The following DMPK variants were observed in gnomAD, a reference collection of about 807,000 sequenced individuals.
DMPK encodes DM1 protein kinase.
In DMPK, 32 loss-of-function variants were observed where a neutral mutation model predicts 70.3. The observed-to-expected ratio is 0.46, with a 90% CI of 0.34 to 0.61. DMPK has a LOEUF of 0.61. DMPK is among the 20% of genes least tolerant of loss of function. DMPK has a pLI of 0.01. For synonymous variants in DMPK, 469 were observed against 390.9 expected (o/e 1.20, Z -2.36); for missense variants, 899 against 886.0 (o/e 1.01, Z -0.19).
Position 45,769,907 on chromosome 19 carries a change from C to A in DMPK, c.*581G>T. The stretch of plus-strand genomic sequence containing the variant: ...TAAATATCCAAACCGCCGAAGCGGG[C>A]GGAGCCGGCTGGGGCTCCGAGAGCA... On this transcript the variant is annotated 3_prime_UTR_variant, in exon 15 of 15. Transcript: ENST00000291270. 3.5e-6 allele frequency: 1 copy of A among 281,972 alleles called. No homozygotes were observed. The highest frequency in any genetic ancestry group is 3.8e-5 in the South Asian group (1 of 26,544). The allele number at this position is 281,972 out of a possible 1,614,324, so 17.5% of individuals were successfully genotyped here. A position where few individuals can be genotyped will look rare whatever the true frequency, so the allele number is the denominator to read the frequency against.
intron 4 of DMPK, 67 bp from the exon 5 acceptor site, chr19:45,778,708 G>A: frequency 1.3e-6 from 2 of 1,530,246 alleles, no homozygotes; most frequent in East Asian, 2.4e-5. Flanking sequence ...GGATGGCTGG[G>A]ACAACCCCTC....
intron 4 of DMPK, 120 bp from the exon 5 acceptor site, chr19:45,778,761 C>T: frequency 9.5e-7 from 1 of 1,049,396 alleles, no homozygotes; most frequent in Non-Finnish European, 1.4e-6. Flanking sequence ...CAGCCCCAGC[C>T]CAGAGATAAC....
At chr19:45,771,425 G>A (rs1419392019) in intron 12 of DMPK, 29 bp from the exon 13 acceptor site, 3 of 1,611,238 alleles carry the variant, frequency 1.9e-6, no homozygotes, top group Admixed American at 1.7e-5. Context: ...GGCATAGGGC[G>A]CGTGGAGGGG....
chr19:45,769,882 T>G lies in DMPK; in HGVS notation c.*606A>C. 3.8e-6 allele frequency: 1 copy of G among 265,750 alleles called. No individual in the cohort carries two copies. Among genetic ancestry groups the G allele is most frequent in the East Asian group, 1.0e-4 (1 of 9,784 alleles). The allele number at this position is 265,750 out of a possible 1,614,324, so 16.5% of individuals were successfully genotyped here. A position where few individuals can be genotyped will look rare whatever the true frequency, so the allele number is the denominator to read the frequency against. ...TCAGCGAGTCGGAGGACGAGGTCAA[T>G]AAATATCCAAACCGCCGAAGCGGGC... On this transcript the variant is annotated 3_prime_UTR_variant, in exon 15 of 15. Coordinates refer to ENST00000291270, the MANE Select transcript of DMPK (RefSeq NM_004409.5).
In DMPK at chr19:45,779,851, C is replaced by G; in HGVS notation, c.179G>C (p.Arg60Thr). ...CCTCTGCAGTCGGACCTCCTTAAGC[C>G]TCACCACGATGGGCTCCGCTGGGGG... ...FLQWAEPIVV[R>T]LKEVRLQRDD... Residue 60 changes from arginine (R) to threonine (T), a missense_variant, in exon 2 of 15, where the codon AGG becomes ACG. Physicochemically the swap from Arg to Thr is moderately conservative, Grantham distance 71. Around this residue, in one of 3 missense-constraint regions of DMPK, gnomAD observed 149 missense variants for 142.5 expected, o/e 1.05. Transcript: ENST00000291270. The G allele has an allele frequency of 6.2e-7, 1 of 1,612,098 alleles. No individual in the cohort carries two copies. The highest frequency in any genetic ancestry group is 8.5e-7 in the Non-Finnish European group (1 of 1,179,124).
At position 45,770,092 on chromosome 19, in the gene DMPK, C is replaced by A; in HGVS notation, c.*396G>T. On this transcript the variant is annotated 3_prime_UTR_variant, in exon 15 of 15. Coordinates refer to ENST00000291270, the MANE Select transcript of DMPK (RefSeq NM_004409.5). The stretch of plus-strand genomic sequence containing the variant: ...TGCGAACCAACGATAGGTGGGGGTG[C>A]GTGGAGGATGGAACACGGACGGCCC... The A allele has an allele frequency of 1.8e-6, 1 of 547,754 alleles. No homozygotes were observed. Among genetic ancestry groups the A allele is most frequent in the Middle Eastern group, 5.1e-4 (1 of 1,948 alleles). 33.9% of individuals were successfully genotyped at this position (547,754 alleles called of 1,614,324 possible).
At position 45,780,297 on chromosome 19, in the gene DMPK, C is replaced by G. The variant is rs776031050; in HGVS notation, c.161-428G>C. 1.9e-6 allele frequency: 3 copies of G among 1,551,616 alleles called. No individual in the cohort carries two copies. The Admixed American group carries it at 5.4e-5, about 28-fold the overall frequency. On this transcript the variant is annotated intron_variant, in intron 1 of 14. Coordinates refer to ENST00000291270, the MANE Select transcript of DMPK (RefSeq NM_004409.5). ...TCATGTAGAATGTCCTGGGTAACGG[C>G]CCAGACGTGGGGTTGTATCCAGTAC...
At position 45,777,658 on chromosome 19, in the gene DMPK, C is replaced by T. The variant is rs758065350; in HGVS notation, c.882+9G>A. On this transcript the variant is annotated intron_variant, in intron 7 of 14. Transcript: ENST00000291270. This position sits in a 1 kb window ranked among gnomAD's most constrained non-coding sequence, Gnocchi z 6.7. ...GGGAGAGGCCAGGTCTCCCTGCGGC[C>T]GTGCTCACCTTGTAGTGGACGATCT... The T allele has an allele frequency of 2.3e-5, 37 of 1,613,766 alleles. No individual in the cohort carries two copies. The highest frequency in any genetic ancestry group is 1.3e-4 in the East Asian group (6 of 44,896).
intron 5 of DMPK, 22 bp from the exon 6 acceptor site, chr19:45,778,242 G>A: frequency 6.2e-7 from 1 of 1,602,744 alleles, no homozygotes; most frequent in African/African-American, 1.3e-5. Context: ...AAAAGAGAAG[G>A]GTGGGATAAA....
chr19:45,779,584 C>A, intron 2 of DMPK, 62 bp from the exon 3 acceptor site: 4 of 1,600,860 alleles, frequency 2.5e-6, no homozygotes, highest in Non-Finnish European at 3.4e-6. Context: ...TCGCCCAGAC[C>A]CAACTCCACC....
At chr19:45,778,406 T>G (rs1340391647) in intron 5 of DMPK, 87 bp downstream of exon 5, 1 of 1,535,282 alleles carries the variant, frequency 6.5e-7, no homozygotes, top group East Asian at 2.3e-5. Flanking sequence ...AAGGTCCCTC[T>G]CCAGGCCCTG....
intron 14 of DMPK, 152 bp downstream of exon 14, chr19:45,770,819 G>T: frequency 1.0e-6 from 1 of 967,952 alleles, no homozygotes; most frequent in Non-Finnish European, 1.5e-6. Context: ...CTCGTCATTG[G>T]CTGCTTCCTA....
At position 45,770,992 on chromosome 19, in the gene DMPK, G is replaced by C. The variant is rs1274811338; in HGVS notation, c.1716C>G (p.Arg572=). ...PLVGPGPMHR[R]HLLLPARVPR... ...GTACCCTGGCAGGGAGCAGCAGGTG[G>C]CGGCGGTGCATGGGGCCTGGCCCCA... is the stretch of plus-strand genomic sequence containing the variant. Residue 572 remains arginine (R), a synonymous_variant, in exon 14 of 15, where the codon CGC becomes CGG. Transcript: ENST00000291270. 2 of 1,437,370 alleles carry C rather than the reference G, an allele frequency of 1.4e-6. No individual in the cohort carries two copies. The highest frequency in any genetic ancestry group is 1.5e-5 in the African/African-American group (1 of 67,696). 89.0% of individuals were successfully genotyped at this position (1,437,370 alleles called of 1,614,324 possible).
In DMPK at chr19:45,777,840, A is replaced by G. The variant is rs1311272380; in HGVS notation, c.709T>C (p.Tyr237His). 6.2e-7 allele frequency: 1 copy of G among 1,610,974 alleles called. No homozygotes were observed. The highest frequency in any genetic ancestry group is 1.3e-5 in the African/African-American group (1 of 74,924). Residue 237 changes from tyrosine (Y) to histidine (H), a missense_variant, in exon 7 of 15, where the codon TAC becomes CAC. By Grantham distance (83) the Tyr-to-His change is moderately conservative. This residue lies in a region of DMPK where 195 missense variants were observed against 259.7 expected (regional missense o/e 0.75). Transcript: ENST00000291270. The surrounding 1 kb of genome is among the most constrained non-coding windows in gnomAD (Gnocchi z 6.7). Reference protein sequence around the residue: ...RSLVAVGTPDYLSPEILQAVG... With the variant: ...RSLVAVGTPDHLSPEILQAVG... ...GCCTGCAGGATCTCGGGGGACAGGT[A>G]GTCTGGGGTGCCCACAGCCACCAGC... is the stretch of plus-strand genomic sequence containing the variant.
chr19:45,777,663 T>C lies in DMPK; in HGVS notation c.882+4A>G, dbSNP rs1969852578. The C allele has an allele frequency of 6.2e-7, 1 of 1,613,926 alleles. No individual in the cohort carries two copies. The highest frequency in any genetic ancestry group is 8.5e-7 in the Non-Finnish European group (1 of 1,180,010). ...AGGCCAGGTCTCCCTGCGGCCGTGC[T>C]CACCTTGTAGTGGACGATCTTGCCA... On this transcript the variant is annotated splice_donor_region_variant and intron_variant, in intron 7 of 14. Coordinates refer to ENST00000291270, the MANE Select transcript of DMPK (RefSeq NM_004409.5). This position sits in a 1 kb window ranked among gnomAD's most constrained non-coding sequence, Gnocchi z 6.7.
At chr19:45,772,279 GA>G (rs1485353002) in intron 10 of DMPK, 45 of 368,268 alleles carry the variant, frequency 1.2e-4, no homozygotes, top group Non-Finnish European at 2.0e-4. Flanking sequence ...GCCTTCTCAG[GA>G]ATGATTCAGC....
intron 6 of DMPK, 72 bp downstream of exon 6, chr19:45,778,055 C>G (rs577445591): frequency 2.2e-6 from 3 of 1,381,234 alleles, no homozygotes; most frequent in African/African-American, 1.4e-5. Context: ...AATCCAGTCC[C>G]GCTCCCACAC....
rs775911829 is a variant in DMPK at position 45,772,762 on chromosome 19, G to A, written c.1233-10C>T. The A allele has an allele frequency of 1.8e-5, 26 of 1,436,490 alleles. No individual in the cohort carries two copies. In the African/African-American group the frequency reaches 3.4e-4, roughly 19 times the overall value. The allele number at this position is 1,436,490 out of a possible 1,614,324, so 89.0% of individuals were successfully genotyped here. ...TGGGACCTCACTGTCCCTGGGGAGAGGAGGAGGGAGTGGGGAGGGAGACAG... is the reference window on the plus strand; with the variant it reads ...TGGGACCTCACTGTCCCTGGGGAGAAGAGGAGGGAGTGGGGAGGGAGACAG... On this transcript the variant is annotated splice_polypyrimidine_tract_variant and intron_variant, in intron 9 of 14. Transcript: ENST00000291270.
chr19:45,778,178 G>A lies in DMPK; in HGVS notation c.624C>T (p.His208=), dbSNP rs550335928. 9.9e-6 allele frequency: 16 copies of A among 1,613,846 alleles called. No individual in the cohort carries two copies. The highest frequency in any genetic ancestry group is 9.9e-5 in the South Asian group (9 of 91,024). Residue 208 remains histidine, a synonymous_variant, in exon 6 of 15, where the codon CAC becomes CAT. Coordinates refer to ENST00000291270, the MANE Select transcript of DMPK (RefSeq NM_004409.5). The part of the protein sequence containing the change: ...PDNILLDRCG[H]IRLADFGSCL... ...AAGAGCCGAAGTCGGCCAGGCGGAT[G>A]TGGCCACAGCGGTCCAGCAGGATGT...
Sources: allele counts gnomAD v4.1 joint callset, GRCh38; gene constraint gnomAD v4.1.1; regional missense constraint gnomAD v4.1.1; non-coding constraint Gnocchi (gnomAD v3.1); transcripts MANE v1.5; gene names NCBI Gene and HGNC (gene_info 2026-07-23, HGNC 2026-07-21).